The following CHRM2 variants were observed in gnomAD, a reference collection of about 807,000 sequenced individuals.
CHRM2 encodes cholinergic receptor muscarinic 2, also known as muscarinic acetylcholine receptor M2.
In CHRM2, 8 loss-of-function variants were observed where a neutral mutation model predicts 25.0. The ratio of observed to expected loss-of-function variants is 0.32; its 90% CI spans 0.19 to 0.58. The LOEUF (loss-of-function observed/expected upper bound fraction) is 0.58. CHRM2 is among the 20% of genes least tolerant of loss of function. The probability of loss-of-function intolerance (pLI) is 0.88; values close to 1 mark genes in which losing one functional copy is unlikely to be tolerated. For missense variants in CHRM2, 440 were observed against 567.1 expected (o/e 0.78, Z 2.28); for synonymous variants, 202 against 205.7 (o/e 0.98, Z 0.15).
intron 3 of CHRM2, among the ~76,000 whole-genome samples, chr7:137,003,821 AG>A (rs1804233277): frequency 6.6e-6 from 1 of 152,092 alleles, no homozygotes; most frequent in Admixed American, 6.6e-5. Flanking sequence ...ACCCAGTGGG[AG>A]GTAACAATCA....
At chr7:136,938,642 G>T in intron 2 of CHRM2, 1 of 834,640 alleles carries the variant, frequency 1.2e-6, no homozygotes, top group South Asian at 1.4e-5. Flanking sequence ...GCTCATGCGG[G>T]CACAGGGCCC....
chr7:136,998,202 G>C (rs944971590), intron 3 of CHRM2, among the ~76,000 whole-genome samples: 2 of 152,168 alleles, frequency 1.3e-5, no homozygotes, highest in Admixed American at 1.3e-4. Flanking sequence ...TGAAGATACA[G>C]ATAGCAATTT....
rs912607927 is a variant in CHRM2, at chr7:136,869,825, A to T, written c.-125+407A>T. 1 of 152,194 alleles carries T rather than the reference A, an allele frequency of 6.6e-6. No homozygotes were observed. The highest frequency in any genetic ancestry group is 2.4e-5 in the African/African-American group (1 of 41,318). 9.4% of individuals were successfully genotyped at this position (152,194 alleles called of 1,614,324 possible). ...TCCAGATGCAGCCATGGACAAGACA[A>T]GGAGAGCTTCGTCCCTCCCGCCCCT... On this transcript the variant is annotated intron_variant, in intron 2 of 3. Coordinates refer to ENST00000680005, the MANE Select transcript of CHRM2 (RefSeq NM_001006630.2). The surrounding 1 kb of genome is among the most constrained non-coding windows in gnomAD (Gnocchi z 4.9).
chr7:136,896,301 T>C (rs2130587133), intron 2 of CHRM2, among the ~76,000 whole-genome samples: 1 of 152,276 alleles, frequency 6.6e-6, no homozygotes, highest in East Asian at 1.9e-4. Context: ...AAAAGCCCTG[T>C]CCCACAAATT....
At chr7:137,006,464 T>C (rs1804433036) in intron 3 of CHRM2, among the ~76,000 whole-genome samples, 1 of 152,040 alleles carries the variant, frequency 6.6e-6, no homozygotes, top group African/African-American at 2.4e-5. Context: ...TGTCCCAGCA[T>C]CACTAAGAAT....
chr7:136,988,867 A>G (rs143809756), intron 2 of CHRM2, among the ~76,000 whole-genome samples: 2 of 152,112 alleles, frequency 1.3e-5, no homozygotes, highest in African/African-American at 2.4e-5. Flanking sequence ...AAATATGCCT[A>G]TACATATACA....
chr7:136,955,035 C>A (rs1800639504), intron 2 of CHRM2, among the ~76,000 whole-genome samples: 1 of 152,146 alleles, frequency 6.6e-6, no homozygotes, highest in African/African-American at 2.4e-5. Flanking sequence ...AAGTGCTGCA[C>A]TTTCCTTTCT....
chr7:137,006,889 A>C (rs1319054044), intron 3 of CHRM2, among the ~76,000 whole-genome samples: 1 of 151,866 alleles, frequency 6.6e-6, no homozygotes, highest in Non-Finnish European at 1.5e-5. Context: ...AAATATAAAA[A>C]CTCAGTGTAG....
chr7:137,011,845 T>C (rs1804849402), intron 3 of CHRM2, among the ~76,000 whole-genome samples: 1 of 152,044 alleles, frequency 6.6e-6, no homozygotes, highest in Admixed American at 6.6e-5. Context: ...CCATCCTGCA[T>C]GCAAGTGAAA....
intron 2 of CHRM2, among the ~76,000 whole-genome samples, chr7:136,913,857 A>T (rs536974199): frequency 6.6e-6 from 1 of 152,122 alleles, no homozygotes; most frequent in Admixed American, 6.6e-5. Context: ...ATTAGAGTTT[A>T]CTACCCCCAC....
intron 2 of CHRM2, among the ~76,000 whole-genome samples, chr7:136,958,236 C>A (rs890559135): frequency 1.3e-5 from 2 of 152,106 alleles, no homozygotes; most frequent in African/African-American, 4.8e-5. Flanking sequence ...ATCCAGTGAA[C>A]AAGAAGAGAC....
At chr7:136,967,064 A>G (rs138107538) in intron 2 of CHRM2, among the ~76,000 whole-genome samples, 7 of 152,106 alleles carry the variant, frequency 4.6e-5, no homozygotes, top group South Asian at 2.1e-4. Context: ...AAAAAATTCA[A>G]TGCAAACCTC....
chr7:136,936,628 C>T (rs981289908), intron 2 of CHRM2, among the ~76,000 whole-genome samples: 2 of 152,104 alleles, frequency 1.3e-5, no homozygotes, highest in Admixed American at 6.5e-5. Context: ...TTTGTATATG[C>T]TTAGAAATAA....
chr7:136,960,850 G>A (rs1801026661), intron 2 of CHRM2, among the ~76,000 whole-genome samples: 1 of 152,188 alleles, frequency 6.6e-6, no homozygotes, highest in Admixed American at 6.5e-5. Context: ...ATTTGGCAGG[G>A]CACAGTAGCT....
At chr7:136,963,708 C>A (rs1055977134) in intron 2 of CHRM2, among the ~76,000 whole-genome samples, 1 of 152,130 alleles carries the variant, frequency 6.6e-6, no homozygotes, top group South Asian at 2.1e-4. Context: ...ACATTAGAAT[C>A]ACTTTTAAAA....
chr7:137,014,855 G>C lies in CHRM2; in HGVS notation c.-11G>C. On this transcript the variant is annotated 5_prime_UTR_variant, in exon 4 of 4. An upstream open reading frame in the 5' UTR loses its in-frame stop. Transcript: ENST00000680005. ...TTATTTGCTACTTGGCTACTGATTA[G>C]AGAACGCAAAATGAATAACTCAACA... 14 of 1,612,256 alleles carry C rather than the reference G, an allele frequency of 8.7e-6. No individual in the cohort carries two copies. Among genetic ancestry groups the C allele is most frequent in the Non-Finnish European group, 1.1e-5 (13 of 1,178,878 alleles).
In CHRM2 at chr7:136,910,800, A is replaced by AGTGTGTGTGTGTGT. The variant is rs71533718; in HGVS notation, c.-125+41400_-125+41413dup. 3.3e-3 allele frequency among the ~76,000 whole-genome samples: 476 copies of AGTGTGTGTGTGTGT among 145,746 alleles called. 1 individual carries two copies. Among genetic ancestry groups the AGTGTGTGTGTGTGT allele is most frequent in the African/African-American group, 0.011 (428 of 39,524 alleles). On this transcript the variant is annotated intron_variant, in intron 2 of 3. Coordinates refer to ENST00000680005, the MANE Select transcript of CHRM2 (RefSeq NM_001006630.2). ...GGTTTGGTGTGGTTATTTAAAATTAAGTGTGTGTGTGTGTGTGTGTGTGTG... is the reference window on the plus strand; with the variant it reads ...GGTTTGGTGTGGTTATTTAAAATTAAGTGTGTGTGTGTGTGTGTGTGTGTGTGTGTGTGTGTGTG...
At chr7:136,929,150 T>C (rs1452244273) in intron 2 of CHRM2, among the ~76,000 whole-genome samples, 3 of 152,190 alleles carry the variant, frequency 2.0e-5, no homozygotes, top group Non-Finnish European at 2.9e-5. Flanking sequence ...TCCTATTGAC[T>C]TATCTTCTGG....
At chr7:137,014,380 C>T (rs1805031199) in intron 3 of CHRM2, among the ~76,000 whole-genome samples, 1 of 151,980 alleles carries the variant, frequency 6.6e-6, no homozygotes, top group Non-Finnish European at 1.5e-5. Context: ...CAATATTATA[C>T]ATTCTATGCT....
Sources: gnomAD v4.1 joint callset for allele counts (sites outside exome capture counted in the v4.1 genomes callset) on GRCh38, gnomAD v4.1.1 for gene constraint, Gnocchi (gnomAD v3.1) non-coding constraint, MANE v1.5 for transcripts, NCBI Gene and HGNC (gene_info 2026-07-23, HGNC 2026-07-21) for gene names.